Variants in LMO7 observed in about 807,000 individuals in gnomAD.
LMO7 encodes LIM domain only protein 7.
LMO7 carries 120 observed loss-of-function variants against 206.5 expected under a neutral mutation model. The ratio of observed to expected loss-of-function variants is 0.58; its 90% CI spans 0.50 to 0.68. LMO7 has a LOEUF of 0.68. Ranked by LOEUF, LMO7 falls within the 30% of genes least tolerant of loss-of-function variation. LMO7 has a pLI of 0.00. For synonymous variants in LMO7, 706 were observed against 681.5 expected, an observed-to-expected ratio of 1.04 and a Z score of -0.56; for missense variants, 1,959 against 1,957.9, an observed-to-expected ratio of 1.00 and a Z score of -0.01.
intron 1 of LMO7, among the ~76,000 whole-genome samples, chr13:75,700,502 A>G (rs888226574): frequency 6.6e-6 from 1 of 152,244 alleles, no homozygotes; most frequent in Non-Finnish European, 1.5e-5. Flanking sequence ...AATACTGTAG[A>G]TCTTAGCAAC....
intron 11 of LMO7, among the ~76,000 whole-genome samples, chr13:75,811,322 G>C (rs2056374011): frequency 6.6e-6 from 1 of 151,026 alleles, no homozygotes; most frequent in Non-Finnish European, 1.5e-5. Flanking sequence ...TAGGATTACA[G>C]ATGTGAGCCA....
chr13:75,838,152 T>C lies in LMO7; in HGVS notation c.3407T>C (p.Ile1136Thr). ...NAFESKASES[I>T]SLKNLKRRSQ... ...TTTTTTCAACTAGCATCTGAATCCA[T>C]TTCTTTGAAAAACTTAAAAAGGCGA... The change falls in exon 20 of 31, where the codon ATT (isoleucine) becomes ACT (threonine). Residue 1136 changes from isoleucine (I) to threonine (T), a missense_variant. Coordinates refer to ENST00000377534, the MANE Select transcript of LMO7 (RefSeq NM_001306080.2). 1 of 1,591,262 alleles carries C rather than the reference T, an allele frequency of 6.3e-7. No individual in the cohort carries two copies. The highest frequency in any genetic ancestry group is 8.6e-7 in the Non-Finnish European group (1 of 1,159,390).
intron 13 of LMO7, among the ~76,000 whole-genome samples, chr13:75,820,493 A>T (rs2057463735): frequency 6.6e-6 from 1 of 152,192 alleles, no homozygotes; most frequent in Non-Finnish European, 1.5e-5. Context: ...GGAAGGTTCA[A>T]ATTGGTTGTC....
intron 11 of LMO7, among the ~76,000 whole-genome samples, chr13:75,809,828 ATTTTTTT>A (rs35825600): frequency 3.3e-5 from 4 of 122,626 alleles, no homozygotes; most frequent in South Asian, 2.5e-4. Context: ...CAAAAACTAC[ATTTTTTT>A]TTTTTTTTTT....
At position 75,817,276 on chromosome 13, in the gene LMO7, G is replaced by A. The variant is rs1419425480; in HGVS notation, c.2062G>A (p.Asp688Asn). 2 of 1,595,580 alleles carry A rather than the reference G, an allele frequency of 1.3e-6. No individual in the cohort carries two copies. Among genetic ancestry groups the A allele is most frequent in the Non-Finnish European group, 1.7e-6 (2 of 1,164,856 alleles). ...AAAAGAACAAGATCAGAAATGGCAGGATGTGAGTATTTTGGGGATTGGAGG... is the reference window on the plus strand; with the variant it reads ...AAAAGAACAAGATCAGAAATGGCAGAATGTGAGTATTTTGGGGATTGGAGG... ...QLKEQDQKWQ[D>N]DLAKWKDRRK... Residue 688 changes from aspartate to asparagine, a missense_variant and splice_region_variant, in exon 12 of 31, where the codon GAT (aspartate) becomes AAT (asparagine). Asp to Asn is a conservative substitution (Grantham distance 23). Coordinates refer to ENST00000377534, the MANE Select transcript of LMO7 (RefSeq NM_001306080.2).
chr13:75,761,091 T>A (rs2048163782), intron 4 of LMO7, 53 bp downstream of exon 4: 2 of 1,145,776 alleles, frequency 1.7e-6, no homozygotes, highest in East Asian at 5.1e-5. Context: ...ACTTAGGGCT[T>A]GTAGCTTAAG....
intron 1 of LMO7, among the ~76,000 whole-genome samples, chr13:75,662,601 G>C (rs2038708704): frequency 6.7e-6 from 1 of 148,440 alleles, no homozygotes; most frequent in South Asian, 2.1e-4. Context: ...TTACAGGCGT[G>C]AGCCACTGCA....
chr13:75,664,061 GCAAA>G (rs2038881797), intron 1 of LMO7, among the ~76,000 whole-genome samples: 1 of 151,984 alleles, frequency 6.6e-6, no homozygotes, highest in African/African-American at 2.4e-5. Context: ...TGTTATCCTA[GCAAA>G]TACTAGGACT....
chr13:75,691,693 A>G (rs1330392900), intron 1 of LMO7, among the ~76,000 whole-genome samples: 1 of 152,190 alleles, frequency 6.6e-6, no homozygotes, highest in Non-Finnish European at 1.5e-5. Context: ...CAGGGCTGAG[A>G]AAAGGGGCTA....
At position 75,858,968 on chromosome 13, in the gene LMO7, T is replaced by C. The variant is rs1384193503; in HGVS notation, c.*1025T>C. On this transcript the variant is annotated 3_prime_UTR_variant, in exon 31 of 31. Transcript: ENST00000377534. The stretch of plus-strand genomic sequence containing the variant: ...CAATATATTTGTATGGTGAGAGTGA[T>C]GAATTGTTGGATCATTTGAATAAAA... 2 of 152,234 alleles carry C rather than the reference T, an allele frequency of 1.3e-5. No homozygotes were observed. Among genetic ancestry groups the C allele is most frequent in the Non-Finnish European group, 2.9e-5 (2 of 68,034 alleles). 9.4% of individuals were successfully genotyped at this position (152,234 alleles called of 1,614,324 possible).
intron 1 of LMO7, among the ~76,000 whole-genome samples, chr13:75,658,012 TTG>T (rs1427461357): frequency 6.6e-6 from 1 of 152,092 alleles, no homozygotes; most frequent in Admixed American, 6.5e-5. Flanking sequence ...GATTTTATGT[TTG>T]TGTGAGGTAT....
chr13:75,801,349 C>G (rs1006323023), intron 7 of LMO7, among the ~76,000 whole-genome samples: 1 of 151,680 alleles, frequency 6.6e-6, no homozygotes, highest in Non-Finnish European at 1.5e-5. Context: ...ACAATTATTT[C>G]TATAGATGAG....
At chr13:75,665,900 A>G (rs917010095) in intron 1 of LMO7, among the ~76,000 whole-genome samples, 1 of 152,202 alleles carries the variant, frequency 6.6e-6, no homozygotes, top group African/African-American at 2.4e-5. Flanking sequence ...AATAAATATT[A>G]CAAGTGTTGC....
chr13:75,775,065 C>T (rs2050200546), intron 4 of LMO7, among the ~76,000 whole-genome samples: 1 of 152,020 alleles, frequency 6.6e-6, no homozygotes, highest in Non-Finnish European at 1.5e-5. Flanking sequence ...TTAGAAAAAC[C>T]TCTTCAGTAG....
intron 3 of LMO7, among the ~76,000 whole-genome samples, chr13:75,727,786 C>G (rs1317647998): frequency 3.3e-5 from 5 of 149,452 alleles, no homozygotes; most frequent in African/African-American, 1.2e-4. Context: ...TCCCCCAACC[C>G]CACAACAGTC....
upstream of LMO7, among the ~76,000 whole-genome samples, chr13:75,632,334 C>T (rs1383833443): frequency 1.3e-5 from 2 of 152,182 alleles, no homozygotes; most frequent in African/African-American, 2.4e-5. Flanking sequence ...TGACTTGAAA[C>T]AGGATTTGCA....
intron 16 of LMO7, 111 bp from the exon 17 acceptor site, chr13:75,834,115 A>G: frequency 1.3e-6 from 1 of 749,580 alleles, no homozygotes; most frequent in Non-Finnish European, 2.1e-6. Flanking sequence ...CCTGAAAAAG[A>G]GAGAAATGGT....
rs535252827 is a variant in LMO7, at chr13:75,651,093, A to G, written c.69+14367A>G. On this transcript the variant is annotated intron_variant, in intron 1 of 30. Coordinates refer to ENST00000377534, the MANE Select transcript of LMO7 (RefSeq NM_001306080.2). ...ACTTGGAAAATGCTTGTAAGTCTTG[A>G]AAGGTATAACTTGCCAAATAGCTGA... is the stretch of plus-strand genomic sequence containing the variant. Among the ~76,000 whole-genome samples, 23 of 152,332 alleles carry G rather than the reference A, an allele frequency of 1.5e-4. No homozygotes were observed. In the South Asian group the frequency reaches 4.8e-3, roughly 32 times the overall value.
At chr13:75,694,953 G>C (rs576470583) in intron 1 of LMO7, among the ~76,000 whole-genome samples, 2 of 152,124 alleles carry the variant, frequency 1.3e-5, no homozygotes, top group Non-Finnish European at 2.9e-5. Flanking sequence ...TCACAGTTTC[G>C]AGGGTGAAGC....
Sources: allele counts gnomAD v4.1 joint callset (sites outside exome capture counted in the v4.1 genomes callset), GRCh38; gene constraint gnomAD v4.1.1; transcripts MANE v1.5; gene names NCBI Gene and HGNC (gene_info 2026-07-23, HGNC 2026-07-21).